FUT9: variants seen among roughly 807,000 people sequenced by gnomAD.
FUT9 encodes the protein fucosyltransferase 9, also known as 4-galactosyl-N-acetylglucosaminide 3-alpha-L-fucosyltransferase 9.
Under a neutral mutation model 29.7 loss-of-function variants are expected in FUT9, and 15 were observed. The ratio of observed to expected loss-of-function variants is 0.51; its 90% CI spans 0.34 to 0.78. FUT9 has a LOEUF of 0.78. Ranked by LOEUF, FUT9 falls within the 30% of genes least tolerant of loss-of-function variation. FUT9 has a pLI of 0.01. For synonymous variants in FUT9, 169 were observed against 153.7 expected (o/e 1.10, Z -0.74); for missense variants, 319 against 425.4 (o/e 0.75, Z 2.20).
intron 1 of FUT9, among the ~76,000 whole-genome samples, chr6:96,041,970 C>A (rs1327772953): frequency 4.6e-5 from 7 of 152,150 alleles, no homozygotes; most frequent in Non-Finnish European, 2.9e-5. Context: ...ACTAATGATG[C>A]TTTTCTCCTG....
intron 1 of FUT9, among the ~76,000 whole-genome samples, chr6:96,094,381 A>C (rs1270421140): frequency 2.0e-5 from 3 of 152,144 alleles, no homozygotes; most frequent in Non-Finnish European, 4.4e-5. Context: ...CCAAAGCACA[A>C]GGATGCTGGC....
chr6:96,046,155 T>G (rs1046466021), intron 1 of FUT9, among the ~76,000 whole-genome samples: 5 of 151,882 alleles, frequency 3.3e-5, no homozygotes, highest in African/African-American at 9.7e-5. Flanking sequence ...AAAGTTGTTT[T>G]TTTTTTTTAA....
intron 2 of FUT9, among the ~76,000 whole-genome samples, chr6:96,171,696 C>A (rs1773115933): frequency 6.6e-6 from 1 of 152,044 alleles, no homozygotes; most frequent in Non-Finnish European, 1.5e-5. Flanking sequence ...TGTAAAAATT[C>A]TAAATAGCAG....
intron 2 of FUT9, among the ~76,000 whole-genome samples, chr6:96,120,225 C>A (rs182648579): frequency 6.7e-6 from 1 of 148,636 alleles, no homozygotes; most frequent in Non-Finnish European, 1.5e-5. Context: ...AAAGACTATT[C>A]AGAAGAGTTC....
At chr6:96,185,517 T>C (rs1773389736) in intron 2 of FUT9, among the ~76,000 whole-genome samples, 1 of 152,114 alleles carries the variant, frequency 6.6e-6, no homozygotes. Context: ...GGTTCTTTAA[T>C]AGAAGATAAG....
rs146072949 is a variant in FUT9 at position 96,051,093 on chromosome 6, G to T, written c.-98+34881G>T. 4.6e-5 allele frequency among the ~76,000 whole-genome samples: 7 copies of T among 151,744 alleles called. No homozygotes were observed. The East Asian group carries it at 1.4e-3, about 29-fold the overall frequency. On this transcript the variant is annotated intron_variant, in intron 1 of 2. Transcript: ENST00000302103. ...CCAATGTGAAGAGATTAAATTCCAC[G>T]TGGAATGTGAAAAAAATGAGTAGTA...
intron 1 of FUT9, among the ~76,000 whole-genome samples, chr6:96,046,183 A>T (rs1334630673): frequency 6.6e-6 from 1 of 150,608 alleles, no homozygotes; most frequent in Non-Finnish European, 1.5e-5. Context: ...CCAAAAGGGG[A>T]AATAATGTTT....
chr6:96,116,820 A>G (rs1242968762), intron 2 of FUT9, among the ~76,000 whole-genome samples: 1 of 152,208 alleles, frequency 6.6e-6, no homozygotes, highest in African/African-American at 2.4e-5. Flanking sequence ...GGCTGACTAC[A>G]AAATCATTGA....
At position 96,211,644 on chromosome 6, in the gene FUT9, A is replaced by G. The variant is rs1252614030; in HGVS notation, c.*7409A>G. The G allele has an allele frequency of 6.0e-6, 1 of 167,362 alleles. No individual in the cohort carries two copies. The highest frequency in any genetic ancestry group is 1.5e-5 in the Non-Finnish European group (1 of 68,366). The allele number at this position is 167,362 out of a possible 1,614,324, so 10.4% of individuals were successfully genotyped here. On this transcript the variant is annotated 3_prime_UTR_variant, in exon 3 of 3. Transcript: ENST00000302103. ...GCCAGCCTGTGATTAAGGCTACCAT[A>G]ATTGCATAATAAATAGCTTTGACGT...
At chr6:96,086,420 A>C (rs1402244370) in intron 1 of FUT9, among the ~76,000 whole-genome samples, 2 of 152,112 alleles carry the variant, frequency 1.3e-5, no homozygotes, top group Non-Finnish European at 2.9e-5. Context: ...CTATTCATTA[A>C]CTTTGTCTTT....
chr6:96,178,443 A>T (rs1402782851), intron 2 of FUT9, among the ~76,000 whole-genome samples: 2 of 152,168 alleles, frequency 1.3e-5, no homozygotes, highest in African/African-American at 4.8e-5. Context: ...AATTTTATGT[A>T]TCTATTTGAA....
At position 96,204,087 on chromosome 6, in the gene FUT9, T is replaced by C; in HGVS notation, c.932T>C (p.Leu311Ser). ...AAGGAAGTCGACAAAAACAATAAGT[T>C]ATACCTTAGTTACTTTAACTGGAGG... ...YLKEVDKNNK[L>S]YLSYFNWRKD... Residue 311 changes from leucine to serine, a missense_variant, in exon 3 of 3, where the codon TTA becomes TCA. Physicochemically the swap from Leu to Ser is moderately radical, Grantham distance 145 (BLOSUM62 -2). Transcript: ENST00000302103. 3.9e-6 allele frequency: 6 copies of C among 1,527,304 alleles called. No individual in the cohort carries two copies. In the South Asian group the frequency reaches 7.9e-5, roughly 20 times the overall value. 94.6% of individuals were successfully genotyped at this position (1,527,304 alleles called of 1,614,324 possible).
chr6:96,153,652 C>T (rs568520414), intron 2 of FUT9, among the ~76,000 whole-genome samples: 4 of 152,112 alleles, frequency 2.6e-5, no homozygotes, highest in East Asian at 1.9e-4. Flanking sequence ...TTCAGTCAGG[C>T]GAGACAAAAA....
At chr6:96,166,275 T>C (rs939481719) in intron 2 of FUT9, among the ~76,000 whole-genome samples, 1 of 152,224 alleles carries the variant, frequency 6.6e-6, no homozygotes, top group Admixed American at 6.5e-5. Flanking sequence ...AATATGATAA[T>C]GTAATGTTAG....
chr6:96,198,677 C>G (rs1467419109), intron 2 of FUT9, among the ~76,000 whole-genome samples: 1 of 152,144 alleles, frequency 6.6e-6, no homozygotes, highest in African/African-American at 2.4e-5. Context: ...GTTCCAGATC[C>G]CTGAGGAATC....
intron 2 of FUT9, among the ~76,000 whole-genome samples, chr6:96,124,501 A>T (rs6571054): frequency 0.91 from 138,365 of 152,078 alleles, 64,042 homozygotes; most frequent in East Asian, 1. Context: ...ATTATCTTTA[A>T]TTTTTATTTT....
chr6:96,092,107 T>C (rs1379755860), intron 1 of FUT9, among the ~76,000 whole-genome samples: 1 of 152,086 alleles, frequency 6.6e-6, no homozygotes, highest in Non-Finnish European at 1.5e-5. Context: ...ACAATAATAC[T>C]TTAACAGTAA....
At chr6:96,202,196 A>C in intron 2 of FUT9, among the ~76,000 whole-genome samples, 1 of 152,042 alleles carries the variant, frequency 6.6e-6, no homozygotes, top group Admixed American at 6.6e-5. Context: ...AAGAGAAAAA[A>C]ACTTGAAAAC....
At chr6:96,137,212 A>G (rs1313678422) in intron 2 of FUT9, among the ~76,000 whole-genome samples, 1 of 152,052 alleles carries the variant, frequency 6.6e-6, no homozygotes, top group African/African-American at 2.4e-5. Context: ...AAAAGAAAAA[A>G]ATATGAGCCA....
Sources: allele counts gnomAD v4.1 joint callset (sites outside exome capture counted in the v4.1 genomes callset), GRCh38; gene constraint gnomAD v4.1.1; transcripts MANE v1.5; gene names NCBI Gene and HGNC (gene_info 2026-07-23, HGNC 2026-07-21).